The following TENM2 variants were observed in gnomAD, a reference collection of about 807,000 sequenced individuals.
TENM2 encodes the protein teneurin-2.
Under a neutral mutation model 245.2 loss-of-function variants are expected in TENM2, and 52 were observed. The observed-to-expected ratio is 0.21, with a 90% confidence interval of 0.17 to 0.27. The LOEUF (loss-of-function observed/expected upper bound fraction) is 0.27. Among genes scored for constraint, TENM2 ranks in the 10% least tolerant of loss-of-function variants. TENM2 has a pLI of 1.00. For missense variants in TENM2, 3,046 were observed against 3,666.8 expected (o/e 0.83, Z 4.37); for synonymous variants, 1,363 against 1,438.9 (o/e 0.95, Z 1.19).
chr5:167,234,520 A>G, the TENM2 span, among the ~76,000 whole-genome samples: 2 of 152,230 alleles, frequency 1.3e-5, no homozygotes, highest in Non-Finnish European at 1.5e-5. Flanking sequence ...GTAAAAATCA[A>G]CAGTAACCCA....
intron 3 of TENM2, among the ~76,000 whole-genome samples, chr5:167,924,333 C>T (rs974398790): frequency 2.0e-5 from 3 of 152,302 alleles, no homozygotes; most frequent in Middle Eastern, 3.4e-3. Context: ...TGTCCATGAG[C>T]GCTTGCCAGG....
the TENM2 span, among the ~76,000 whole-genome samples, chr5:167,050,612 G>A: frequency 9.2e-5 from 14 of 152,132 alleles, no homozygotes; most frequent in Non-Finnish European, 2.9e-5. Context: ...AGTGAGGCAG[G>A]ACTGACCCTA....
the TENM2 span, among the ~76,000 whole-genome samples, chr5:167,007,398 A>C: frequency 1.3e-5 from 2 of 152,342 alleles, no homozygotes; most frequent in East Asian, 3.9e-4. This position sits in a 1 kb window ranked among gnomAD's most constrained non-coding sequence, Gnocchi z 4.2. Context: ...AAGCATATTT[A>C]ATCTTTTGCC....
At chr5:167,157,017 G>A in the TENM2 span, among the ~76,000 whole-genome samples, 22 of 152,064 alleles carry the variant, frequency 1.4e-4, no homozygotes, top group South Asian at 1.5e-3. Flanking sequence ...CCAAGCATTC[G>A]CATTTATTTT....
intron 2 of TENM2, among the ~76,000 whole-genome samples, chr5:167,801,654 G>C (rs1765785623): frequency 6.6e-6 from 1 of 152,142 alleles, no homozygotes; most frequent in African/African-American, 2.4e-5. Flanking sequence ...AAGGAAGGCA[G>C]GTTAGAACCA....
At chr5:167,476,037 T>C (rs1477535640) in intron 2 of TENM2, among the ~76,000 whole-genome samples, 4 of 152,198 alleles carry the variant, frequency 2.6e-5, no homozygotes, top group African/African-American at 9.6e-5. Flanking sequence ...CATTATTTTA[T>C]TATTTCCCAA....
chr5:167,333,826 T>C (rs1757599132), intron 1 of TENM2, among the ~76,000 whole-genome samples: 1 of 152,182 alleles, frequency 6.6e-6, no homozygotes, highest in South Asian at 2.1e-4. Context: ...AGAATCTACA[T>C]CAGCTTTCTA....
intron 2 of TENM2, among the ~76,000 whole-genome samples, chr5:167,677,237 C>T (rs1415933900): frequency 6.6e-6 from 1 of 151,958 alleles, no homozygotes; most frequent in Non-Finnish European, 1.5e-5. Flanking sequence ...TAATGATAAG[C>T]AAAATTTTAC....
At chr5:167,007,255 A>G in the TENM2 span, among the ~76,000 whole-genome samples, 1 of 152,170 alleles carries the variant, frequency 6.6e-6, no homozygotes, top group Non-Finnish European at 1.5e-5. This position sits in a 1 kb window ranked among gnomAD's most constrained non-coding sequence, Gnocchi z 4.2. Flanking sequence ...TTTCAGGATC[A>G]CAAATATAAA....
chr5:167,012,964 C>A, the TENM2 span, among the ~76,000 whole-genome samples: 1 of 151,950 alleles, frequency 6.6e-6, no homozygotes, highest in Non-Finnish European at 1.5e-5. Context: ...AAAAGGCTAA[C>A]ATAATTGGAG....
intron 2 of TENM2, among the ~76,000 whole-genome samples, chr5:167,659,265 A>G (rs926586893): frequency 1.3e-5 from 2 of 152,224 alleles, no homozygotes; most frequent in East Asian, 3.8e-4. Context: ...AAAACAAATG[A>G]TGCTTATTTG....
At chr5:168,263,035 A>G, downstream of TENM2, 1 of 503,638 alleles carries the variant, frequency 2.0e-6, no homozygotes, top group South Asian at 3.7e-5. Context: ...GAGGAAAACA[A>G]AACAAACGAA....
intron 7 of TENM2, among the ~76,000 whole-genome samples, chr5:168,072,966 C>T (rs556283248): frequency 6.6e-6 from 1 of 152,284 alleles, no homozygotes; most frequent in Non-Finnish European, 1.5e-5. Flanking sequence ...CAGAGTCTTC[C>T]TCCTCAGTCA....
the TENM2 span, among the ~76,000 whole-genome samples, chr5:167,109,534 C>T: frequency 6.6e-6 from 1 of 152,148 alleles, no homozygotes; most frequent in Non-Finnish European, 1.5e-5. Flanking sequence ...TTAAATACAA[C>T]TCACTTCCCA....
chr5:168,027,317 G>A (rs1786713537), intron 5 of TENM2, among the ~76,000 whole-genome samples: 3 of 152,198 alleles, frequency 2.0e-5, no homozygotes. Context: ...AAGAGGAAAT[G>A]CAGCCTCCCC....
At chr5:167,589,284 A>G (rs750634936) in intron 2 of TENM2, among the ~76,000 whole-genome samples, 7 of 152,148 alleles carry the variant, frequency 4.6e-5, no homozygotes, top group Non-Finnish European at 8.8e-5. Context: ...ACAACCTTTC[A>G]TGTGTTGTCT....
In TENM2 at chr5:168,238,720, G is replaced by A. The variant is rs145445152; in HGVS notation, c.5521-5700G>A. The stretch of plus-strand genomic sequence containing the variant: ...TTTTATGAGCTTCCTTGTGACAGGC[G>A]TATGCTTGGTGAGATCAAAACGTTC... On this transcript the variant is annotated intron_variant, in intron 25 of 28. Transcript: ENST00000518659. Among the ~76,000 whole-genome samples, 50 of 152,234 alleles carry A rather than the reference G, an allele frequency of 3.3e-4. No individual in the cohort carries two copies. In the East Asian group the frequency reaches 7.9e-3, roughly 24 times the overall value.
intron 3 of TENM2, among the ~76,000 whole-genome samples, chr5:167,952,111 C>T (rs1260968237): frequency 6.6e-6 from 1 of 152,196 alleles, no homozygotes; most frequent in East Asian, 1.9e-4. Context: ...ACTCCACCTT[C>T]CTGCCTAGTC....
intron 2 of TENM2, among the ~76,000 whole-genome samples, chr5:167,453,253 G>T (rs943881319): frequency 1.2e-4 from 18 of 152,078 alleles, no homozygotes; most frequent in African/African-American, 4.3e-4. Context: ...AAGCTTTCCA[G>T]TTCATGTAGA....
Sources: gnomAD v4.1 joint callset for allele counts (sites outside exome capture counted in the v4.1 genomes callset) on GRCh38, gnomAD v4.1.1 for gene constraint, Gnocchi (gnomAD v3.1) non-coding constraint, MANE v1.5 for transcripts, NCBI Gene and HGNC (gene_info 2026-07-23, HGNC 2026-07-21) for gene names.